The following TENM1 variants were observed in gnomAD, a reference collection of about 807,000 sequenced individuals.
TENM1 encodes the protein teneurin-1.
In TENM1, 35 loss-of-function variants were observed where a neutral mutation model predicts 174.8. That is an observed-to-expected ratio of 0.20 (90% CI 0.15 to 0.27). The LOEUF is 0.27. TENM1 is among the 10% of genes least tolerant of loss of function. TENM1 has a pLI of 1.00. For missense variants in TENM1, 1,633 were observed against 2,130.1 expected, an observed-to-expected ratio of 0.77 and a Z score of 4.59; for synonymous variants, 781 against 798.7, an observed-to-expected ratio of 0.98 and a Z score of 0.37.
chrX:124,893,962 T>C (rs2057517618), intron 3 of TENM1, among the ~76,000 whole-genome samples: 1 of 111,496 alleles, frequency 9.0e-6, no homozygotes, highest in Non-Finnish European at 1.9e-5. Context: ...ATGTAAAACA[T>C]GGTAGATTTG....
chrX:124,934,663 A>C (rs2058219574), intron 1 of TENM1, among the ~76,000 whole-genome samples: 1 of 111,691 alleles, frequency 9.0e-6, no homozygotes, highest in African/African-American at 3.3e-5. Flanking sequence ...AGCAGATCAG[A>C]GTGTTAGTCC....
chrX:124,461,439 A>T (rs1393572731), intron 22 of TENM1, among the ~76,000 whole-genome samples: 3 of 112,102 alleles, frequency 2.7e-5, no homozygotes, highest in Non-Finnish European at 3.8e-5. Context: ...TCAAAGGGAT[A>T]TCTGCACTCC....
At chrX:124,968,689 C>T (rs1018511343), upstream of TENM1, among the ~76,000 whole-genome samples, 4 of 111,520 alleles carry the variant, frequency 3.6e-5, no homozygotes, top group East Asian at 2.8e-4. Flanking sequence ...CGACACTCAA[C>T]GATAACTTTT....
intron 6 of TENM1, among the ~76,000 whole-genome samples, chrX:124,666,704 C>T (rs1309649255): frequency 1.8e-5 from 2 of 111,579 alleles, no homozygotes; most frequent in Non-Finnish European, 3.8e-5. Context: ...CTCCAATTTC[C>T]TATTCTTTGT....
At chrX:124,475,874 T>C (rs773726145) in intron 22 of TENM1, among the ~76,000 whole-genome samples, 3 of 111,934 alleles carry the variant, frequency 2.7e-5, no homozygotes, top group South Asian at 3.8e-4. Context: ...CCTTTCCCTA[T>C]AGGATAAAAT....
chrX:124,386,152 A>C (rs1164163916), intron 28 of TENM1, 88 bp from the exon 32 acceptor site: 3 of 912,995 alleles, frequency 3.3e-6, no homozygotes, highest in Non-Finnish European at 4.5e-6. Flanking sequence ...ATTCAACACA[A>C]ATCAATCAAG....
chrX:124,434,578 G>A (rs967800236), intron 23 of TENM1, among the ~76,000 whole-genome samples: 5 of 112,077 alleles, frequency 4.5e-5, no homozygotes, highest in Admixed American at 9.5e-5. Flanking sequence ...CTGAGTTTCC[G>A]TCGACCCTTT....
the TENM1 span, among the ~76,000 whole-genome samples, chrX:125,100,305 G>A: frequency 7.7e-3 from 860 of 111,935 alleles, 7 homozygotes; most frequent in African/African-American, 0.026. Context: ...GAGAGACAGT[G>A]GAGTCCTAAC....
chrX:124,733,649 G>C (rs999191423), intron 4 of TENM1, among the ~76,000 whole-genome samples: 6 of 112,055 alleles, frequency 5.4e-5, no homozygotes, highest in Non-Finnish European at 1.9e-5. Flanking sequence ...CTAGTTGATA[G>C]AGCTAATAAC....
intron 3 of TENM1, among the ~76,000 whole-genome samples, chrX:124,811,726 G>A (rs1603223508): frequency 9.0e-6 from 1 of 111,543 alleles, no homozygotes; most frequent in East Asian, 2.8e-4. Context: ...CATGTTCATT[G>A]CAGCACTATT....
intron 6 of TENM1, among the ~76,000 whole-genome samples, chrX:124,658,995 G>T (rs1602932826): frequency 8.9e-6 from 1 of 111,960 alleles, no homozygotes; most frequent in Non-Finnish European, 1.9e-5. Context: ...CAGTTCTTCT[G>T]GTGTGGTCTG....
intron 25 of TENM1, among the ~76,000 whole-genome samples, chrX:124,408,461 T>A (rs995866144): frequency 1.8e-5 from 2 of 111,172 alleles, no homozygotes; most frequent in East Asian, 5.7e-4. Flanking sequence ...CAGCCATTAT[T>A]CTCCCAAGGT....
At chrX:124,565,019 C>T (rs1948766718) in intron 12 of TENM1, among the ~76,000 whole-genome samples, 1 of 111,607 alleles carries the variant, frequency 9.0e-6, no homozygotes, top group Admixed American at 9.5e-5. Flanking sequence ...CTATACTTTT[C>T]AAAAGGAAAA....
chrX:124,773,695 C>T (rs1334961225), intron 3 of TENM1, among the ~76,000 whole-genome samples: 1 of 111,101 alleles, frequency 9.0e-6, no homozygotes, highest in Non-Finnish European at 1.9e-5. Context: ...GCAAATGAAA[C>T]CCCCGTATGT....
At chrX:125,085,855 T>C in the TENM1 span, among the ~76,000 whole-genome samples, 58 of 111,419 alleles carry the variant, frequency 5.2e-4, no homozygotes, top group Non-Finnish European at 1.0e-3. Flanking sequence ...TTGCTGTCAA[T>C]TGAAATCCAG....
intron 5 of TENM1, among the ~76,000 whole-genome samples, chrX:124,687,990 A>C (rs973368674): frequency 9.0e-5 from 10 of 111,641 alleles, no homozygotes; most frequent in Non-Finnish European, 3.8e-5. Context: ...AATGTATAGC[A>C]TGCTGGCTAT....
intron 18 of TENM1, among the ~76,000 whole-genome samples, chrX:124,514,022 A>C (rs191112212): frequency 5.4e-5 from 6 of 111,910 alleles, no homozygotes; most frequent in African/African-American, 1.9e-4. Flanking sequence ...GCTAATATGT[A>C]CAGGGTTACT....
At chrX:124,779,491 G>A (rs745407197) in intron 3 of TENM1, among the ~76,000 whole-genome samples, 11 of 111,854 alleles carry the variant, frequency 9.8e-5, no homozygotes, top group Admixed American at 5.7e-4. Context: ...ACTTGTAAAC[G>A]TATGCCACTG....
chrX:124,724,832 A>G (rs1310761711), intron 4 of TENM1, among the ~76,000 whole-genome samples: 1 of 111,187 alleles, frequency 9.0e-6, no homozygotes, highest in East Asian at 2.8e-4. Context: ...AATCCCCAAT[A>G]TGTTGATGTT....
Sources: allele counts gnomAD v4.1 joint callset (sites outside exome capture counted in the v4.1 genomes callset), GRCh38; gene constraint gnomAD v4.1.1; transcripts MANE v1.5; gene names NCBI Gene and HGNC (gene_info 2026-07-23, HGNC 2026-07-21).